RIC8B: variants seen among roughly 807,000 people sequenced by gnomAD.
RIC8B encodes the protein RIC8 guanine nucleotide exchange factor B, also known as chaperone Ric-8B.
RIC8B carries 16 observed loss-of-function variants against 57.5 expected under a neutral mutation model. The observed-to-expected ratio is 0.28, with a 90% CI of 0.19 to 0.42. The LOEUF is 0.42. RIC8B is among the 10% of genes least tolerant of loss of function. RIC8B has a pLI of 1.00. For synonymous variants in RIC8B, 216 were observed against 250.8 expected (o/e 0.86, Z 1.31); for missense variants, 481 against 677.0 (o/e 0.71, Z 3.21).
intron 2 of RIC8B, among the ~76,000 whole-genome samples, chr12:106,804,122 A>G (rs1375347542): frequency 3.3e-5 from 5 of 152,282 alleles, no homozygotes; most frequent in South Asian, 2.1e-4. Flanking sequence ...GATAAGTAAC[A>G]TTTATTGACT....
chr12:106,823,476 G>A (rs1334249815), intron 3 of RIC8B: 1 of 455,514 alleles, frequency 2.2e-6, no homozygotes, highest in Non-Finnish European at 4.4e-6. Flanking sequence ...GTTTGCAGCT[G>A]CAAATAATGG....
chr12:106,851,678 C>T (rs1949483013), intron 7 of RIC8B, 84 bp downstream of exon 7: 1 of 1,172,378 alleles, frequency 8.5e-7, no homozygotes, highest in Non-Finnish European at 1.2e-6. Flanking sequence ...TACTGGTCGT[C>T]TCATTCCATT....
intron 9 of RIC8B, among the ~76,000 whole-genome samples, chr12:106,874,145 C>G (rs1950565176): frequency 6.6e-6 from 1 of 152,166 alleles, no homozygotes; most frequent in South Asian, 2.1e-4. Context: ...AAAAGTGAGA[C>G]TAGACCTTCA....
chr12:106,851,622 T>A, intron 7 of RIC8B, 28 bp downstream of exon 7: 2 of 1,597,308 alleles, frequency 1.3e-6, no homozygotes, highest in Non-Finnish European at 1.7e-6. Context: ...TGCCTCTGCC[T>A]TTTATCTTTC....
chr12:106,837,862 G>A (rs558720897), intron 4 of RIC8B, among the ~76,000 whole-genome samples: 1 of 152,132 alleles, frequency 6.6e-6, no homozygotes, highest in South Asian at 2.1e-4. Flanking sequence ...GGCTGATCTC[G>A]AACTCCTGAC....
rs144575737 is a variant in RIC8B at position 106,861,164 on chromosome 12, T to C, written c.1451+752T>C. Among the ~76,000 whole-genome samples, 416 of 152,226 alleles carry C rather than the reference T, an allele frequency of 2.7e-3. 2 individuals are homozygous for C. Among genetic ancestry groups the C allele is most frequent in the African/African-American group, 8.9e-3 (371 of 41,556 alleles). On this transcript the variant is annotated intron_variant, in intron 8 of 9. Coordinates refer to ENST00000392837, the MANE Select transcript of RIC8B (RefSeq NM_001330145.2). ...TTAGGAGTTATTTGAGCTATGTTTT[T>C]TCTGGGTTCCATTTGAAGATTTCCA...
chr12:106,810,335 C>A (rs1467302695), intron 2 of RIC8B, among the ~76,000 whole-genome samples: 1 of 150,628 alleles, frequency 6.6e-6, no homozygotes, highest in Non-Finnish European at 1.5e-5. Context: ...CAGTGGCAAA[C>A]CCAGGTATTA....
At chr12:106,816,022 T>C (rs2045559827) in intron 3 of RIC8B, among the ~76,000 whole-genome samples, 1 of 152,162 alleles carries the variant, frequency 6.6e-6, no homozygotes, top group African/African-American at 2.4e-5. Context: ...ACAAGAACAA[T>C]ATGCTAAATA....
intron 8 of RIC8B, among the ~76,000 whole-genome samples, chr12:106,865,375 CAA>C (rs904399327): frequency 6.6e-6 from 1 of 152,126 alleles, no homozygotes; most frequent in African/African-American, 2.4e-5. Flanking sequence ...CAAAGCCAAT[CAA>C]AGAGAGAAAT....
In RIC8B at chr12:106,879,237, G is replaced by C. The variant is rs896308752; in HGVS notation, c.1572-6667G>C. On this transcript the variant is annotated intron_variant, in intron 9 of 9. Coordinates refer to ENST00000392837, the MANE Select transcript of RIC8B (RefSeq NM_001330145.2). The surrounding 1 kb of genome is among the most constrained non-coding windows in gnomAD (Gnocchi z 4.9). Reference sequence around the variant, plus strand: ...CAAGTACACTTGAATTGAATGTTTTGTTTGTATTGCACAAAAACATGTGCT... The same window carrying C: ...CAAGTACACTTGAATTGAATGTTTTCTTTGTATTGCACAAAAACATGTGCT... 1 of 985,614 alleles carries C rather than the reference G, an allele frequency of 1.0e-6. No homozygotes were observed. The highest frequency in any genetic ancestry group is 1.7e-5 in the African/African-American group (1 of 57,208). 61.1% of individuals were successfully genotyped at this position (985,614 alleles called of 1,614,324 possible).
At chr12:106,817,669 C>CA (rs1251592784) in intron 3 of RIC8B, among the ~76,000 whole-genome samples, 1 of 151,436 alleles carries the variant, frequency 6.6e-6, no homozygotes, top group South Asian at 2.1e-4. Context: ...AAAAAAAATA[C>CA]AAAAAATTAG....
At chr12:106,852,932 G>A (rs1164122258) in intron 7 of RIC8B, among the ~76,000 whole-genome samples, 2 of 152,162 alleles carry the variant, frequency 1.3e-5, no homozygotes, top group Non-Finnish European at 1.5e-5. Context: ...GAAATGATCT[G>A]TTTTTTAAAG....
chr12:106,839,381 T>C (rs1006630489), intron 4 of RIC8B, among the ~76,000 whole-genome samples: 2 of 152,140 alleles, frequency 1.3e-5, no homozygotes, highest in African/African-American at 4.8e-5. Context: ...GGAAATCCCA[T>C]CACTTGGAAC....
intron 2 of RIC8B, among the ~76,000 whole-genome samples, chr12:106,785,204 A>G (rs1387616378): frequency 6.6e-6 from 1 of 152,338 alleles, no homozygotes; most frequent in Non-Finnish European, 1.5e-5. Flanking sequence ...TGTGTTTTAG[A>G]AATAGAAAAT....
rs71442039 is a variant in RIC8B at position 106,872,690 on chromosome 12, A to AC, written c.1571+1751dup. Among the ~76,000 whole-genome samples, 244 of 151,072 alleles carry AC rather than the reference A, an allele frequency of 1.6e-3. 6 individuals carry two copies. Among genetic ancestry groups the AC allele is most frequent in the African/African-American group, 5.5e-3 (225 of 41,104 alleles). On this transcript the variant is annotated intron_variant, in intron 9 of 9. Transcript: ENST00000392837. ...GTCTCAAAAAAAAAAAAAAAAACAA[A>AC]CCCGACAGAGTCCATCTGGTAGAAA...
chr12:106,823,252 C>A, intron 3 of RIC8B: 1 of 261,182 alleles, frequency 3.8e-6, no homozygotes, highest in East Asian at 8.7e-5. Context: ...AAAGAGTCTT[C>A]TCGGAGAAGA....
At chr12:106,843,723 C>CAA (rs11384376) in intron 5 of RIC8B, 129 bp from the exon 6 acceptor site, 3,345 of 254,910 alleles carry the variant, frequency 0.013, no homozygotes, top group East Asian at 0.018. Flanking sequence ...CTCCCTCTCC[C>CAA]AAAAAAAAAA....
At chr12:106,796,093 A>G (rs2044469043) in intron 2 of RIC8B, among the ~76,000 whole-genome samples, 1 of 152,212 alleles carries the variant, frequency 6.6e-6, no homozygotes, top group Non-Finnish European at 1.5e-5. Flanking sequence ...TGATCTACAG[A>G]TTCAACGCAA....
intron 2 of RIC8B, among the ~76,000 whole-genome samples, chr12:106,787,361 G>T (rs969038882): frequency 2.6e-5 from 4 of 152,066 alleles, no homozygotes; most frequent in African/African-American, 7.2e-5. Context: ...CAGAACTATT[G>T]GACAGCTCAG....
Sources: allele counts gnomAD v4.1 joint callset (sites outside exome capture counted in the v4.1 genomes callset), GRCh38; gene constraint gnomAD v4.1.1; non-coding constraint Gnocchi (gnomAD v3.1); transcripts MANE v1.5; gene names NCBI Gene and HGNC (gene_info 2026-07-23, HGNC 2026-07-21).